The following HOMER2 variants were observed in gnomAD, a reference collection of about 807,000 sequenced individuals.
HOMER2 encodes homer scaffold protein 2, also known as homer protein homolog 2.
HOMER2 carries 27 observed loss-of-function variants against 47.0 expected under a neutral mutation model. The observed-to-expected ratio is 0.57, with a 90% CI of 0.42 to 0.79. The LOEUF (loss-of-function observed/expected upper bound fraction) is 0.79. HOMER2 is among the 30% of genes least tolerant of loss of function. The pLI, the probability that HOMER2 is intolerant of heterozygous loss-of-function variation, is 0.00. For missense variants in HOMER2, 443 were observed against 435.0 expected, an observed-to-expected ratio of 1.02 and a Z score of -0.16; for synonymous variants, 161 against 163.8, an observed-to-expected ratio of 0.98 and a Z score of 0.13.
intron 2 of HOMER2, among the ~76,000 whole-genome samples, chr15:82,879,660 G>A (rs893416413): frequency 2.0e-5 from 3 of 152,196 alleles, no homozygotes; most frequent in Non-Finnish European, 4.4e-5. Flanking sequence ...TGCTGATGGA[G>A]GGACTTGTGT....
chr15:82,922,418 A>G (rs949258922), intron 1 of HOMER2, among the ~76,000 whole-genome samples: 6 of 152,254 alleles, frequency 3.9e-5, no homozygotes, highest in Non-Finnish European at 7.3e-5. Context: ...ACTCAAAAGT[A>G]AAGCCTGCAT....
chr15:82,879,642 A>G (rs1462053327), intron 2 of HOMER2, among the ~76,000 whole-genome samples: 1 of 152,248 alleles, frequency 6.6e-6, no homozygotes, highest in Non-Finnish European at 1.5e-5. Context: ...AGCAAATTGT[A>G]ATCTTTTTGC....
intron 1 of HOMER2, among the ~76,000 whole-genome samples, chr15:82,978,402 G>A (rs1045700450): frequency 1.3e-5 from 2 of 152,198 alleles, no homozygotes; most frequent in Non-Finnish European, 2.9e-5. Context: ...CTACTTGGAG[G>A]TGGGGACAAT....
intron 6 of HOMER2, chr15:82,852,920 G>C (rs2051445220): frequency 1.3e-5 from 2 of 152,394 alleles, no homozygotes; most frequent in Admixed American, 6.5e-5. Flanking sequence ...GTGTGGAACA[G>C]GGGTGCAAGG....
chr15:82,918,678 G>A (rs189732863), intron 1 of HOMER2, among the ~76,000 whole-genome samples: 4 of 152,148 alleles, frequency 2.6e-5, no homozygotes, highest in Admixed American at 2.0e-4. Flanking sequence ...TGTTCTCCCT[G>A]CACCCCTATT....
rs757073475 is a variant in HOMER2 at position 82,882,881 on chromosome 15, CTTTTT to C, written c.163-7482_163-7478del. 2.6e-4 allele frequency among the ~76,000 whole-genome samples: 7 copies of C among 27,050 alleles called. 1 individual carries two copies. The highest frequency in any genetic ancestry group is 1.6e-3 in the South Asian group (1 of 618). The allele number at this position is 27,050 out of a possible 152,430, so 17.7% of individuals were successfully genotyped here. A position where few individuals can be genotyped will look rare whatever the true frequency, so the allele number is the denominator to read the frequency against. ...TGAGTCCATTCTACACCAGCCACTG[CTTTTT>C]TTTTTTTTTTTTTTTTTTTTATTAT... On this transcript the variant is annotated intron_variant, in intron 2 of 8. Transcript: ENST00000450735.
intron 7 of HOMER2, 34 bp downstream of exon 7, chr15:82,852,108 G>C (rs754120111): frequency 6.6e-7 from 1 of 1,517,056 alleles, no homozygotes; most frequent in Non-Finnish European, 9.1e-7. Flanking sequence ...CCAAGAGGAC[G>C]CCAAGGGGCC....
chr15:82,903,928 G>A (rs1467832248), intron 1 of HOMER2, among the ~76,000 whole-genome samples: 1 of 152,184 alleles, frequency 6.6e-6, no homozygotes, highest in African/African-American at 2.4e-5. Flanking sequence ...GTTGACGCCA[G>A]GAGTTCGAGA....
chr15:82,931,977 CAAAG>C (rs1484578103), intron 1 of HOMER2, among the ~76,000 whole-genome samples: 1 of 152,174 alleles, frequency 6.6e-6, no homozygotes, highest in Non-Finnish European at 1.5e-5. Flanking sequence ...CTGTTAGTGC[CAAAG>C]AAAGACAGGA....
intron 2 of HOMER2, among the ~76,000 whole-genome samples, chr15:82,891,014 A>G (rs751735909): frequency 1.3e-5 from 2 of 152,206 alleles, no homozygotes; most frequent in African/African-American, 4.8e-5. Flanking sequence ...GCCAGGCACT[A>G]GCACACTTCC....
intron 3 of HOMER2, among the ~76,000 whole-genome samples, chr15:82,866,660 G>A (rs1483708288): frequency 6.6e-6 from 1 of 152,172 alleles, no homozygotes; most frequent in Non-Finnish European, 1.5e-5. Flanking sequence ...AATCATCGGG[G>A]CGGGTCTCTC....
intron 1 of HOMER2, among the ~76,000 whole-genome samples, chr15:82,934,294 C>T (rs2054089413): frequency 6.6e-6 from 1 of 152,116 alleles, no homozygotes; most frequent in Non-Finnish European, 1.5e-5. Flanking sequence ...CAGCTCCTGG[C>T]CCAGCCTCCT....
intron 1 of HOMER2, among the ~76,000 whole-genome samples, chr15:82,944,573 T>C (rs2054331816): frequency 6.6e-6 from 1 of 152,248 alleles, no homozygotes; most frequent in Non-Finnish European, 1.5e-5. Flanking sequence ...GTAAATATGC[T>C]ATTTGACTGC....
chr15:82,859,542 G>C (rs986035801), intron 4 of HOMER2, among the ~76,000 whole-genome samples: 4 of 152,172 alleles, frequency 2.6e-5, no homozygotes, highest in African/African-American at 9.7e-5. Context: ...CCACAAGGGA[G>C]GAGGGACTCT....
chr15:82,955,907 G>A (rs557817174), upstream of HOMER2, among the ~76,000 whole-genome samples: 1 of 152,154 alleles, frequency 6.6e-6, no homozygotes, highest in South Asian at 2.1e-4. Flanking sequence ...TTAGGTTGAG[G>A]AGGATGGTCA....
intron 1 of HOMER2, among the ~76,000 whole-genome samples, chr15:82,910,786 G>A (rs2053430596): frequency 6.6e-6 from 1 of 152,170 alleles, no homozygotes; most frequent in Non-Finnish European, 1.5e-5. Flanking sequence ...GTCACCAGGT[G>A]ATTTTTGTTC....
At chr15:82,850,017 G>C in intron 8 of HOMER2, 114 bp from the exon 9 acceptor site, 1 of 1,051,624 alleles carries the variant, frequency 9.5e-7, no homozygotes. Flanking sequence ...CTGGGCCAGG[G>C]CTTAAGCTGC....
At chr15:82,969,627 C>T (rs542912541) in intron 1 of HOMER2, among the ~76,000 whole-genome samples, 21 of 152,144 alleles carry the variant, frequency 1.4e-4, no homozygotes, top group Admixed American at 2.0e-4. Flanking sequence ...GGAACTAAAG[C>T]TACAATAAAT....
chr15:82,944,662 T>G (rs1462323197), intron 1 of HOMER2, among the ~76,000 whole-genome samples: 1 of 152,124 alleles, frequency 6.6e-6, no homozygotes, highest in African/African-American at 2.4e-5. Flanking sequence ...CCACCCCGTG[T>G]ATCAAAGAGA....
Sources: gnomAD v4.1 joint callset for allele counts (sites outside exome capture counted in the v4.1 genomes callset) on GRCh38, gnomAD v4.1.1 for gene constraint, MANE v1.5 for transcripts, NCBI Gene and HGNC (gene_info 2026-07-23, HGNC 2026-07-21) for gene names.